Variants in SPSB3 observed in about 807,000 individuals in gnomAD.
SPSB3 encodes the protein splA/ryanodine receptor domain and SOCS box containing 3, also known as SPRY domain-containing SOCS box protein 3.
In SPSB3, 18 loss-of-function variants were observed where a neutral mutation model predicts 29.5. That is an observed-to-expected ratio of 0.61 (90% CI 0.42 to 0.91). The LOEUF (loss-of-function observed/expected upper bound fraction) is 0.91, where lower values mean the gene tolerates loss of function less well. SPSB3 is among the 40% of genes least tolerant of loss of function. SPSB3 has a pLI of 0.00. For synonymous variants in SPSB3, 299 were observed against 214.1 expected (o/e 1.40, Z -3.46); for missense variants, 540 against 507.5 (o/e 1.06, Z -0.61).
At chr16:1,778,410 A>T in intron 3 of SPSB3, 25 bp downstream of exon 3, 1 of 1,605,788 alleles carries the variant, frequency 6.2e-7, no homozygotes, top group South Asian at 1.1e-5. Flanking sequence ...GTGCAGTCCC[A>T]GCAGGGGCTG....
chr16:1,776,932 C>A lies in SPSB3; in HGVS notation c.*165G>T, dbSNP rs2042721988. The A allele has an allele frequency of 1.3e-6, 1 of 785,012 alleles. No individual in the cohort carries two copies. Among genetic ancestry groups the A allele is most frequent in the Non-Finnish European group, 2.0e-6 (1 of 505,936 alleles). 48.6% of individuals were successfully genotyped at this position (785,012 alleles called of 1,614,324 possible). A position where few individuals can be genotyped will look rare whatever the true frequency, so the allele number is the denominator to read the frequency against. On this transcript the variant is annotated 3_prime_UTR_variant, in exon 7 of 7. Coordinates refer to ENST00000566339, the MANE Select transcript of SPSB3 (RefSeq NM_080861.4). ...ACAGCAGCAGAGGGGCCCTAGAGCC[C>A]CCACAGAAAGGACTGTCCCAGCCTC...
chr16:1,781,525 G>A (rs554312982), intron 1 of SPSB3, 30 bp from the exon 2 acceptor site: 9 of 1,602,096 alleles, frequency 5.6e-6, no homozygotes, highest in African/African-American at 2.7e-5. Context: ...CTGGGCAAAG[G>A]AAGACTCACA....
At chr16:1,778,758 G>A (rs1416680936) in intron 2 of SPSB3, 146 bp from the exon 3 acceptor site, 11 of 866,362 alleles carry the variant, frequency 1.3e-5, no homozygotes, top group East Asian at 2.8e-5. Context: ...TACCCCGAGC[G>A]CACAGCCCAG....
At chr16:1,777,688 G>A (rs1567229701) in intron 6 of SPSB3, 59 bp downstream of exon 6, 6 of 1,597,236 alleles carry the variant, frequency 3.8e-6, no homozygotes, top group East Asian at 4.5e-5. Flanking sequence ...GCTGGGGCGG[G>A]GTGGCTGCCT....
intron 1 of SPSB3, chr16:1,782,232 G>C (rs944662671): frequency 1.3e-5 from 2 of 152,018 alleles, no homozygotes; most frequent in Non-Finnish European, 2.9e-5. Flanking sequence ...AGGCCGGGGC[G>C]GATCGCGGCG....
chr16:1,778,028 C>T lies in SPSB3; in HGVS notation c.513G>A (p.Ser171=), dbSNP rs564675516. ...GTDMMVGIGT[S]DVDLDKYRHT... The stretch of plus-strand genomic sequence containing the variant: ...GGCGGTATTTGTCCAGGTCCACATC[C>T]GACGTCCCGATGCCCACCATCTAGG... Residue 171 remains serine (S), a synonymous_variant, in exon 5 of 7, where the codon TCG becomes TCA. Coordinates refer to ENST00000566339, the MANE Select transcript of SPSB3 (RefSeq NM_080861.4). 56 of 1,613,190 alleles carry T rather than the reference C, an allele frequency of 3.5e-5. No individual in the cohort carries two copies. The highest frequency in any genetic ancestry group is 2.9e-4 in the East Asian group (13 of 44,868).
At position 1,780,595 on chromosome 16, in the gene SPSB3, CTGTT is replaced by C. The variant is rs781124423; in HGVS notation, c.126+759_126+762del. ...TTTACCTTCAAGGATCAGGGTTTTTCTGTTTGTTTGTTTTTTAACACACATATAT... is the reference window on the plus strand; with the variant it reads ...TTTACCTTCAAGGATCAGGGTTTTTCTGTTTGTTTTTTAACACACATATAT... On this transcript the variant is annotated intron_variant, in intron 2 of 6. Coordinates refer to ENST00000566339, the MANE Select transcript of SPSB3 (RefSeq NM_080861.4). The C allele has an allele frequency of 9.7e-4, 148 of 153,134 alleles. 1 individual carries two copies. Among genetic ancestry groups the C allele is most frequent in the Non-Finnish European group, 4.1e-4 (28 of 68,618 alleles). 9.5% of individuals were successfully genotyped at this position (153,134 alleles called of 1,614,324 possible). A position where few individuals can be genotyped will look rare whatever the true frequency, so the allele number is the denominator to read the frequency against.
chr16:1,780,994 A>G (rs1448269982), intron 2 of SPSB3: 6 of 424,886 alleles, frequency 1.4e-5, no homozygotes, highest in Non-Finnish European at 2.5e-5. Context: ...CAGCCTCCCA[A>G]AGTGCTAGGA....
chr16:1,777,876 G>T lies in SPSB3; in HGVS notation c.596-4C>A, dbSNP rs374062925. 6.1e-5 allele frequency: 98 copies of T among 1,612,074 alleles called. No individual in the cohort carries two copies. The highest frequency in any genetic ancestry group is 1.7e-4 in the Middle Eastern group (1 of 6,016). On this transcript the variant is annotated splice_polypyrimidine_tract_variant and splice_region_variant and intron_variant, in intron 5 of 6. Coordinates refer to ENST00000566339, the MANE Select transcript of SPSB3 (RefSeq NM_080861.4). Reference sequence around the variant, plus strand: ...TCGCCCTTGTGGTGGAGGAGGCCTGGGGGCAGCCAGGGTCGCAGTGAGCCC... The same window carrying T: ...TCGCCCTTGTGGTGGAGGAGGCCTGTGGGCAGCCAGGGTCGCAGTGAGCCC...
intron 4 of SPSB3, 27 bp from the exon 5 acceptor site, chr16:1,778,075 G>A (rs377461244): frequency 1.0e-4 from 167 of 1,612,992 alleles, no homozygotes; most frequent in African/African-American, 6.1e-4. Flanking sequence ...GGCAGAGGGC[G>A]CGGGGCTGGG....
chr16:1,777,971 C>T lies in SPSB3; in HGVS notation c.570G>A (p.Glu190=), dbSNP rs1596854831. 6.2e-7 allele frequency: 1 copy of T among 1,613,056 alleles called. No homozygotes were observed. The highest frequency in any genetic ancestry group is 8.5e-7 in the Non-Finnish European group (1 of 1,179,948). ...CCGTGTAGGAGAGGCCCCAGCTGTC[C>T]TCATCCCTGCCCAGCAGGCTGCAGA... ...HTFCSLLGRD[E]DSWGLSYTGL... Residue 190 remains glutamate, a synonymous_variant, in exon 5 of 7, where the codon GAG becomes GAA. Coordinates refer to ENST00000566339, the MANE Select transcript of SPSB3 (RefSeq NM_080861.4).
Position 1,778,445 on chromosome 16 carries a change from C to G in SPSB3, c.294G>C (p.Glu98Asp). The stretch of plus-strand genomic sequence containing the variant: ...GGGCCCCACGCTCACACTCGTCTTC[C>G]TCTCCGCAGCGGCAGTCCCTGCCCC... Reference protein sequence around the residue: ...AHRGRDCRCGEEDEYFDWVWD... With the variant: ...AHRGRDCRCGDEDEYFDWVWD... Residue 98 changes from glutamate to aspartate, a missense_variant, in exon 3 of 7, where the codon GAG becomes GAC. Transcript: ENST00000566339. 3 of 1,609,714 alleles carry G rather than the reference C, an allele frequency of 1.9e-6. No individual in the cohort carries two copies. The highest frequency in any genetic ancestry group is 2.2e-5 in the South Asian group (2 of 90,954).
chr16:1,776,765 C>T lies in SPSB3; in HGVS notation c.*332G>A, dbSNP rs563403684. 10 of 430,158 alleles carry T rather than the reference C, an allele frequency of 2.3e-5. No individual in the cohort carries two copies. The highest frequency in any genetic ancestry group is 4.2e-5 in the East Asian group (1 of 24,050). 26.6% of individuals were successfully genotyped at this position (430,158 alleles called of 1,614,324 possible). A position where few individuals can be genotyped will look rare whatever the true frequency, so the allele number is the denominator to read the frequency against. ...TTGCAGTCCTTTAAGTCTATGACGG[C>T]GGGGCAGCCGCTGACAGCATGCAGA... On this transcript the variant is annotated 3_prime_UTR_variant, in exon 7 of 7. Transcript: ENST00000566339.
At chr16:1,781,149 C>G (rs1896691654) in intron 2 of SPSB3, 8 of 1,521,688 alleles carry the variant, frequency 5.3e-6, no homozygotes, top group Non-Finnish European at 7.0e-6. Flanking sequence ...GGTCCTGTCA[C>G]CCCTGAGGCT....
chr16:1,777,529 C>T, intron 6 of SPSB3, 86 bp from the exon 7 acceptor site: 1 of 1,393,998 alleles, frequency 7.2e-7, no homozygotes, highest in Non-Finnish European at 9.5e-7. Context: ...GCTACAGTCA[C>T]CCGGGTGGGC....
In SPSB3 at chr16:1,776,997, A is replaced by G; in HGVS notation, c.*100T>C. 1 of 1,409,206 alleles carries G rather than the reference A, an allele frequency of 7.1e-7. No individual in the cohort carries two copies. Among genetic ancestry groups the G allele is most frequent in the Non-Finnish European group, 9.6e-7 (1 of 1,038,812 alleles). 87.3% of individuals were successfully genotyped at this position (1,409,206 alleles called of 1,614,324 possible). A position where few individuals can be genotyped will look rare whatever the true frequency, so the allele number is the denominator to read the frequency against. ...GCTCCCTCCGGACGGGCCTCATCCAACTCCGCCCTGGAGTGTGGCTGGAAG... is the reference window on the plus strand; with the variant it reads ...GCTCCCTCCGGACGGGCCTCATCCAGCTCCGCCCTGGAGTGTGGCTGGAAG... On this transcript the variant is annotated 3_prime_UTR_variant, in exon 7 of 7. Transcript: ENST00000566339.
At chr16:1,777,520 C>T (rs370689948) in intron 6 of SPSB3, 77 bp from the exon 7 acceptor site, 2 of 1,410,742 alleles carry the variant, frequency 1.4e-6, no homozygotes, top group South Asian at 1.4e-5. Context: ...AGACCTCACG[C>T]TACAGTCACC....
At chr16:1,780,370 C>G (rs971551239) in intron 2 of SPSB3, 3 of 111,916 alleles carry the variant, frequency 2.7e-5, no homozygotes, top group African/African-American at 1.0e-4. Flanking sequence ...GACCCCCACC[C>G]CTCCCAGCCT....
rs1278611398 is a variant in SPSB3, at chr16:1,777,822, G to C, written c.646C>G (p.Gln216Glu). The change falls in exon 6 of 7, where the codon CAG becomes GAG. Residue 216 changes from glutamine to glutamate, a missense_variant. Transcript: ENST00000566339. ...DKTSFSSRFGQGSIIGVHLDT... is the reference protein window; with the variant it reads ...DKTSFSSRFGEGSIIGVHLDT... ...AGGTGCACGCCAATGATGGAGCCCT[G>C]GCCGAACCGCGATGAGAAGCTGGTC... is the stretch of plus-strand genomic sequence containing the variant. 1 of 1,612,884 alleles carries C rather than the reference G, an allele frequency of 6.2e-7. No homozygotes were observed. The highest frequency in any genetic ancestry group is 8.5e-7 in the Non-Finnish European group (1 of 1,179,882).
Sources: gnomAD v4.1 joint callset for allele counts on GRCh38, gnomAD v4.1.1 for gene constraint, MANE v1.5 for transcripts, NCBI Gene and HGNC (gene_info 2026-07-23, HGNC 2026-07-21) for gene names.